GABRB1: variants seen among roughly 807,000 people sequenced by gnomAD.
GABRB1 encodes gamma-aminobutyric acid type A receptor subunit beta1.
GABRB1 carries 17 observed loss-of-function variants against 51.6 expected under a neutral mutation model. That is an observed-to-expected ratio of 0.33 (90% confidence interval 0.23 to 0.49). The LOEUF (loss-of-function observed/expected upper bound fraction) is 0.49. GABRB1 is among the 20% of genes least tolerant of loss of function. GABRB1 has a pLI of 0.99. For missense variants in GABRB1, 410 were observed against 600.6 expected, an observed-to-expected ratio of 0.68 and a Z score of 3.32; for synonymous variants, 247 against 218.9, an observed-to-expected ratio of 1.13 and a Z score of -1.14.
At chr4:47,110,397 CTTTTT>C (rs1715167224) in intron 3 of GABRB1, among the ~76,000 whole-genome samples, 1 of 152,070 alleles carries the variant, frequency 6.6e-6, no homozygotes, top group South Asian at 2.1e-4. Context: ...GCTATCTTTT[CTTTTT>C]GTTAATTGAA....
At chr4:47,047,194 A>G (rs1414311851) in intron 3 of GABRB1, among the ~76,000 whole-genome samples, 2 of 152,122 alleles carry the variant, frequency 1.3e-5, no homozygotes, top group East Asian at 1.9e-4. Flanking sequence ...AATAATAAAT[A>G]AATAAATAAT....
chr4:47,109,247 G>A (rs1037313779), intron 3 of GABRB1, among the ~76,000 whole-genome samples: 3 of 151,988 alleles, frequency 2.0e-5, no homozygotes, highest in African/African-American at 4.8e-5. Flanking sequence ...ATCATTGGTG[G>A]CTTATGAATA....
At chr4:47,281,575 T>C (rs1007424688) in intron 4 of GABRB1, among the ~76,000 whole-genome samples, 21 of 152,170 alleles carry the variant, frequency 1.4e-4, no homozygotes, top group Admixed American at 3.9e-4. Context: ...AATCAGTATG[T>C]TGAAGAGATA....
chr4:47,031,664 C>CA lies in GABRB1; in HGVS notation c.17dup (p.Asn6LysfsTer25), dbSNP rs1254030199. The CA allele has an allele frequency of 6.2e-7, 1 of 1,613,300 alleles. No homozygotes were observed. Among genetic ancestry groups the CA allele is most frequent in the South Asian group, 1.1e-5 (1 of 91,056 alleles). ...ATCAGAGTTAGTAATGTGGACAGTACAAAATCGAGAGAGTCTGGGGCTTCT... is the reference window on the plus strand; with the variant it reads ...ATCAGAGTTAGTAATGTGGACAGTACAAAAATCGAGAGAGTCTGGGGCTTCT... On this transcript the variant is annotated frameshift_variant, in exon 1 of 9. Transcript: ENST00000295454. LOFTEE classifies it high-confidence loss of function.
intron 3 of GABRB1, among the ~76,000 whole-genome samples, chr4:47,044,848 C>A (rs1726018067): frequency 6.6e-6 from 1 of 151,808 alleles, no homozygotes; most frequent in Non-Finnish European, 1.5e-5. Context: ...CAATAAAAAT[C>A]AAAATAATTT....
At chr4:47,206,471 C>T (rs1037061850) in intron 4 of GABRB1, among the ~76,000 whole-genome samples, 6 of 151,852 alleles carry the variant, frequency 4.0e-5, no homozygotes, top group African/African-American at 1.5e-4. Flanking sequence ...AGTAAAATAT[C>T]TAGAGATGCA....
chr4:47,151,678 A>G (rs139772048), intron 3 of GABRB1, among the ~76,000 whole-genome samples: 228 of 152,176 alleles, frequency 1.5e-3, no homozygotes, highest in Non-Finnish European at 2.5e-3. Flanking sequence ...AAATGGAAAC[A>G]CTAATATCCT....
chr4:47,012,814 A>T (rs1389454942), intron 1 of GABRB1, among the ~76,000 whole-genome samples: 1 of 152,170 alleles, frequency 6.6e-6, no homozygotes, highest in Non-Finnish European at 1.5e-5. Context: ...GAGATATTTA[A>T]CCATCTTAGC....
intron 4 of GABRB1, among the ~76,000 whole-genome samples, chr4:47,257,688 G>C (rs1401339726): frequency 6.7e-6 from 1 of 150,302 alleles, no homozygotes; most frequent in Admixed American, 6.7e-5. Context: ...GGAAAGCTAA[G>C]AGTCAGGAAA....
intron 4 of GABRB1, among the ~76,000 whole-genome samples, chr4:47,198,973 C>T (rs1252612320): frequency 2.0e-5 from 3 of 152,160 alleles, no homozygotes; most frequent in Admixed American, 1.3e-4. Context: ...ATCATGAGAA[C>T]AGCATGGAGG....
chr4:47,055,714 A>G (rs1225653525), intron 3 of GABRB1, among the ~76,000 whole-genome samples: 1 of 152,156 alleles, frequency 6.6e-6, no homozygotes, highest in Non-Finnish European at 1.5e-5. Flanking sequence ...AACCTTGAGC[A>G]AAGTTGTCCT....
At chr4:47,137,879 T>C (rs1465710889) in intron 3 of GABRB1, among the ~76,000 whole-genome samples, 1 of 152,104 alleles carries the variant, frequency 6.6e-6, no homozygotes, top group African/African-American at 2.4e-5. Flanking sequence ...TATGTATATA[T>C]AAACAAAGGA....
At chr4:47,237,515 G>T (rs1721371603) in intron 4 of GABRB1, among the ~76,000 whole-genome samples, 1 of 151,976 alleles carries the variant, frequency 6.6e-6, no homozygotes, top group African/African-American at 2.4e-5. Context: ...TGAGGAAAAT[G>T]GAAAGATGAG....
At chr4:47,382,001 A>G (rs574337365) in intron 5 of GABRB1, among the ~76,000 whole-genome samples, 75 of 152,330 alleles carry the variant, frequency 4.9e-4, no homozygotes, top group African/African-American at 1.8e-3. Context: ...GGCTGGGGGT[A>G]GGGATAAGGT....
At chr4:47,385,215 A>G (rs1289970032) in intron 5 of GABRB1, among the ~76,000 whole-genome samples, 1 of 152,178 alleles carries the variant, frequency 6.6e-6, no homozygotes, top group East Asian at 1.9e-4. Flanking sequence ...TCTCTATTCC[A>G]TGATAACAAT....
At chr4:47,228,600 T>C (rs775744849) in intron 4 of GABRB1, among the ~76,000 whole-genome samples, 10 of 152,276 alleles carry the variant, frequency 6.6e-5, no homozygotes, top group Admixed American at 2.6e-4. Flanking sequence ...ACTCATCTTC[T>C]GGAGGATATG....
chr4:47,354,871 TA>T, intron 5 of GABRB1, among the ~76,000 whole-genome samples: 1 of 53,516 alleles, frequency 1.9e-5, no homozygotes, highest in Non-Finnish European at 5.1e-5. Context: ...TTTTTTTTTA[TA>T]CCCTGACCCC....
intron 4 of GABRB1, among the ~76,000 whole-genome samples, chr4:47,190,636 G>A (rs1249882117): frequency 6.6e-6 from 1 of 152,220 alleles, no homozygotes; most frequent in East Asian, 1.9e-4. Context: ...AATTCTAAGA[G>A]GTTGAGTTGG....
upstream of GABRB1, chr4:47,031,400 C>A: frequency 3.7e-6 from 2 of 540,908 alleles, no homozygotes; most frequent in Non-Finnish European, 6.6e-6. Context: ...CTCGTAGGAT[C>A]CCCTGCGTGG....
Sources: gnomAD v4.1 joint callset for allele counts (sites outside exome capture counted in the v4.1 genomes callset) on GRCh38, gnomAD v4.1.1 for gene constraint, MANE v1.5 for transcripts, NCBI Gene and HGNC (gene_info 2026-07-23, HGNC 2026-07-21) for gene names.